IGSF1: variants seen among roughly 807,000 people sequenced by gnomAD.
IGSF1 encodes immunoglobulin superfamily member 1.
In IGSF1, 40 loss-of-function variants were observed where a neutral mutation model predicts 95.3. The observed-to-expected ratio is 0.42, with a 90% confidence interval of 0.33 to 0.55. The LOEUF (loss-of-function observed/expected upper bound fraction) is 0.55. IGSF1 is among the 20% of genes least tolerant of loss of function. The pLI is 0.10. For missense variants in IGSF1, 906 were observed against 1,025.4 expected (o/e 0.88, Z 1.59); for synonymous variants, 372 against 382.9 (o/e 0.97, Z 0.33).
chrX:131,284,754 C>G, intron 5 of IGSF1: 1 of 788,392 alleles, frequency 1.3e-6, no homozygotes, highest in South Asian at 6.8e-5. Flanking sequence ...CACTAGCAAT[C>G]CATTCTGTTT....
intron 9 of IGSF1, 140 bp downstream of exon 9, chrX:131,281,078 G>T (rs2080551361): frequency 4.8e-6 from 3 of 628,036 alleles, no homozygotes; most frequent in South Asian, 5.7e-5. Flanking sequence ...GAGACAGGTG[G>T]GGTGAGAAAG....
chrX:131,285,521 G>A, intron 4 of IGSF1, 55 bp from the exon 5 acceptor site: 4 of 1,118,425 alleles, frequency 3.6e-6, no homozygotes, highest in Non-Finnish European at 3.6e-6. Context: ...ACTGTCTAGG[G>A]AGCAGCAGAG....
Position 131,277,120 on chromosome X carries a change from A to C in IGSF1, c.2427T>G (p.Ile809Met). Reference protein sequence around the residue: ...CSTPHQHMSFILYKDGSEIAS... With the variant: ...CSTPHQHMSFMLYKDGSEIAS... ...CTATTTCACTTCCATCTTTGTAAAG[A>C]ATAAAGCTCATATGCTGGTGGGGGG... The change falls in exon 14 of 20, where the codon ATT becomes ATG. Residue 809 changes from isoleucine (I) to methionine (M), a missense_variant. By Grantham distance (10) the Ile-to-Met change is conservative (BLOSUM62 1). Around this residue, in one of 5 missense-constraint regions of IGSF1, gnomAD observed 411 missense variants for 494.9 expected, o/e 0.83. Transcript: ENST00000361420. 8.3e-7 allele frequency: 1 copy of C among 1,211,461 alleles called. No homozygotes were observed. Among genetic ancestry groups the C allele is most frequent in the African/African-American group, 1.7e-5 (1 of 57,746 alleles).
At position 131,274,843 on chromosome X, in the gene IGSF1, G is replaced by T. The variant is rs112522172; in HGVS notation, c.3507C>A (p.Pro1169=). Residue 1169 remains proline (P), a synonymous_variant, in exon 18 of 20, where the codon CCC becomes CCA. Transcript: ENST00000361420. ...KPPKPSLSAW[P]STMFKLGKDI... ...CCTTCCCTAACTTGAACATGGTGCT[G>T]GGCCAGGCTGACAGAGAGGGTTTAG... 9.9e-6 allele frequency: 12 copies of T among 1,209,786 alleles called. No individual in the cohort carries two copies. The highest frequency in any genetic ancestry group is 1.3e-5 in the Non-Finnish European group (12 of 895,030).
Position 131,275,856 on chromosome X carries a change from G to A in IGSF1, c.2897-91C>T, listed in dbSNP as rs935664998. On this transcript the variant is annotated intron_variant, in intron 15 of 19. Transcript: ENST00000361420. ...ACTCTATCTTTCTCCTCTTGGGCAC[G>A]GTAGTTCCCCTCCGTGGCCTAGCCT... The A allele has an allele frequency of 3.0e-5, 34 of 1,142,507 alleles. No homozygotes were observed. In the Admixed American group the frequency reaches 5.1e-4, roughly 17 times the overall value. 94.2% of individuals were successfully genotyped at this position (1,142,507 alleles called of 1,213,427 possible).
intron 14 of IGSF1, 100 bp from the exon 15 acceptor site, chrX:131,276,348 T>C (rs1315504892): frequency 7.3e-6 from 5 of 684,165 alleles, no homozygotes; most frequent in South Asian, 3.3e-5. Flanking sequence ...TGTTTGTTGT[T>C]AAAAATTAGA....
Position 131,277,204 on chromosome X carries a change from G to C in IGSF1, c.2343C>G (p.Phe781Leu), listed in dbSNP as rs2124091516. The change falls in exon 14 of 20, where the codon TTC (phenylalanine) becomes TTG (leucine). Residue 781 changes from phenylalanine to leucine, a missense_variant. Around this residue, in one of 5 missense-constraint regions of IGSF1, gnomAD observed 411 missense variants for 494.9 expected, o/e 0.83. Transcript: ENST00000361420. ...TGACCACAGGGCTGGCCCATGTCTT[G>C]AAGAAGGGCTTAGGGTACATTTCTA... ...VIKEMYPKPF[F>L]KTWASPVVTP... 1 of 1,207,076 alleles carries C rather than the reference G, an allele frequency of 8.3e-7. No individual in the cohort carries two copies.
At chrX:131,277,254 C>G (rs754947994) in intron 13 of IGSF1, 28 bp from the exon 14 acceptor site, 5 of 1,118,224 alleles carry the variant, frequency 4.5e-6, no homozygotes, top group Non-Finnish European at 4.8e-6. Context: ...AAAACAAAAA[C>G]AAAAAACAAA....
chrX:131,284,771 C>T, intron 5 of IGSF1: 1 of 811,618 alleles, frequency 1.2e-6, no homozygotes, highest in Non-Finnish European at 1.5e-6. Context: ...GTTTTCCACA[C>T]ATAAAAATAA....
At chrX:131,279,199 A>G in intron 10 of IGSF1, 24 bp from the exon 11 acceptor site, 1 of 1,210,074 alleles carries the variant, frequency 8.3e-7, no homozygotes, top group South Asian at 1.8e-5. Context: ...TGCTGCCAGG[A>G]CTCGGCCCCC....
Position 131,281,206 on chromosome X carries a change from C to CA in IGSF1, c.1646+11dup, listed in dbSNP as rs11431751. 7.7e-3 allele frequency: 9,288 copies of CA among 1,208,549 alleles called. 431 individuals are homozygous for CA. In the African/African-American group the frequency reaches 0.14, roughly 18 times the overall value. ...TAGGTTGGGGAACAGGGGGCTGGGA[C>CA]AAGACAGTTACCTGATTCTGAGTCT... On this transcript the variant is annotated intron_variant, in intron 9 of 19. Coordinates refer to ENST00000361420, the MANE Select transcript of IGSF1 (RefSeq NM_001555.5).
rs139121215 is a variant in IGSF1, at chrX:131,274,089, C to T, written c.3869G>A (p.Arg1290Gln). The T allele has an allele frequency of 1.8e-5, 22 of 1,209,461 alleles. No individual in the cohort carries two copies. Among genetic ancestry groups the T allele is most frequent in the Middle Eastern group, 2.3e-4 (1 of 4,376 alleles). Residue 1290 changes from arginine to glutamine, a missense_variant, in exon 19 of 20, where the codon CGA becomes CAA. Coordinates refer to ENST00000361420, the MANE Select transcript of IGSF1 (RefSeq NM_001555.5). Reference sequence around the variant, plus strand: ...TAATGAGGCATTTATTTACCTGGTTCGCAGTCGAGGCCACTTCTTCCACTC... The same window carrying T: ...TAATGAGGCATTTATTTACCTGGTTTGCAGTCGAGGCCACTTCTTCCACTC... ...AIEWKKWPRL[R>Q]TRGSETDGRD...
chrX:131,274,459 A>G (rs182524098), intron 18 of IGSF1, 140 bp downstream of exon 18: 7 of 700,758 alleles, frequency 1.0e-5, no homozygotes, highest in East Asian at 3.3e-5. Context: ...CCTCCTCATC[A>G]TCCTTAGGAG....
Position 131,284,954 on chromosome X carries a change from T to G in IGSF1, c.667+225A>C, listed in dbSNP as rs1393741908. ...GTGATGAGCTGAAGCTGCTGGCCAG[T>G]TGGCTGGGCTCCTTTACTAGCCAAA... On this transcript the variant is annotated intron_variant, in intron 5 of 19. Transcript: ENST00000361420. The G allele has an allele frequency of 5.5e-6, 4 of 726,586 alleles. No individual in the cohort carries two copies. In the East Asian group the frequency reaches 1.6e-4, roughly 30 times the overall value. The allele number at this position is 726,586 out of a possible 1,213,427, so 59.9% of individuals were successfully genotyped here. A position where few individuals can be genotyped will look rare whatever the true frequency, so the allele number is the denominator to read the frequency against.
chrX:131,281,402 TG>T, intron 8 of IGSF1, 64 bp from the exon 9 acceptor site: 1 of 1,162,446 alleles, frequency 8.6e-7, no homozygotes, highest in Non-Finnish European at 1.2e-6. Flanking sequence ...AATACATTCA[TG>T]GGGTGAGGAC....
In IGSF1 at chrX:131,277,140, G is replaced by A. The variant is rs1302357666; in HGVS notation, c.2407C>T (p.His803Tyr). Residue 803 changes from histidine to tyrosine, a missense_variant, in exon 14 of 20, where the codon CAC becomes TAC. His to Tyr is a moderately conservative substitution (Grantham distance 83, BLOSUM62 2). Coordinates refer to ENST00000361420, the MANE Select transcript of IGSF1 (RefSeq NM_001555.5). ...TAAAGAATAAAGCTCATATGCTGGT[G>A]GGGGGTGGAGCAATTGAAAGTCACT... ...ARVTFNCSTPHQHMSFILYKD... is the reference protein window; with the variant it reads ...ARVTFNCSTPYQHMSFILYKD... 2.5e-6 allele frequency: 3 copies of A among 1,207,383 alleles called. No homozygotes were observed. The highest frequency in any genetic ancestry group is 3.5e-5 in the African/African-American group (2 of 56,941).
chrX:131,282,804 T>C (rs1188723702), intron 6 of IGSF1, 67 bp from the exon 7 acceptor site: 3 of 1,047,380 alleles, frequency 2.9e-6, no homozygotes, highest in Non-Finnish European at 3.9e-6. Flanking sequence ...TTAAGATTCT[T>C]TTCCTTCTCT....
chrX:131,277,682 T>C (rs1308305872), intron 13 of IGSF1, among the ~76,000 whole-genome samples, 174 bp downstream of exon 13: 2 of 112,361 alleles, frequency 1.8e-5, no homozygotes, highest in Non-Finnish European at 3.8e-5. Context: ...GCTATTAATA[T>C]CGTGCAGCCA....
In IGSF1 at chrX:131,274,597, A is replaced by T; in HGVS notation, c.3751+2T>A. 1 of 1,208,653 alleles carries T rather than the reference A, an allele frequency of 8.3e-7. No individual in the cohort carries two copies. Among genetic ancestry groups the T allele is most frequent in the Non-Finnish European group, 1.1e-6 (1 of 893,928 alleles). Reference sequence around the variant, plus strand: ...AGGACCATGGAGAGATTATTCTCTTACCTGCTGCCCCCACCAGCTCCAGGG... The same window carrying T: ...AGGACCATGGAGAGATTATTCTCTTTCCTGCTGCCCCCACCAGCTCCAGGG... On this transcript the variant is annotated splice_donor_variant, in intron 18 of 19. Transcript: ENST00000361420. LOFTEE classifies it high-confidence loss of function.
Sources: gnomAD v4.1 joint callset for allele counts (sites outside exome capture counted in the v4.1 genomes callset) on GRCh38, gnomAD v4.1.1 for gene constraint, gnomAD v4.1.1 regional missense constraint, MANE v1.5 for transcripts, NCBI Gene and HGNC (gene_info 2026-07-23, HGNC 2026-07-21) for gene names.